COX7B2: variants seen among roughly 807,000 people sequenced by gnomAD.
COX7B2 encodes the protein cytochrome c oxidase subunit 7B2, also known as cytochrome c oxidase subunit 7B2, mitochondrial.
For missense variants in COX7B2, 109 were observed against 95.9 expected (o/e 1.14, Z -0.57); for synonymous variants, 37 against 32.1 (o/e 1.15, Z -0.51).
intron 2 of COX7B2, among the ~76,000 whole-genome samples, chr4:46,758,441 T>C (rs28652873): frequency 0.33 from 49,860 of 151,902 alleles, 8,434 homozygotes; most frequent in South Asian, 0.47. Flanking sequence ...GTACCTAAAG[T>C]ACAGACAGTC....
chr4:46,739,839 G>A (rs1714598374), intron 2 of COX7B2, among the ~76,000 whole-genome samples: 2 of 151,936 alleles, frequency 1.3e-5, no homozygotes, highest in African/African-American at 4.8e-5. Flanking sequence ...GGAGACATGA[G>A]AAAAGAATGG....
rs761904309 is a variant in COX7B2 at position 46,905,814 on chromosome 4, C to CTTTT, written c.-105+3342_-105+3345dup. Among the ~76,000 whole-genome samples, 69 of 71,684 alleles carry CTTTT rather than the reference C, an allele frequency of 9.6e-4. 10 individuals are homozygous for CTTTT. Among genetic ancestry groups the CTTTT allele is most frequent in the African/African-American group, 2.3e-3 (42 of 18,552 alleles). The allele number at this position is 71,684 out of a possible 152,430, so 47.0% of individuals were successfully genotyped here. A position where few individuals can be genotyped will look rare whatever the true frequency, so the allele number is the denominator to read the frequency against. On this transcript the variant is annotated intron_variant, in intron 1 of 2. Coordinates refer to ENST00000355591, the MANE Select transcript of COX7B2 (RefSeq NM_130902.3). ...TACCATCTCTGATAAGCATATATTT[C>CTTTT]TTTTTTTTTTTTTTTTTTTTTTTTT...
At chr4:46,830,772 T>C (rs1715027891) in intron 2 of COX7B2, among the ~76,000 whole-genome samples, 1 of 152,246 alleles carries the variant, frequency 6.6e-6, no homozygotes, top group African/African-American at 2.4e-5. Flanking sequence ...TTTAGGAACC[T>C]TGGCTGAAAG....
intron 2 of COX7B2, among the ~76,000 whole-genome samples, chr4:46,765,728 T>G (rs1323990934): frequency 6.6e-6 from 1 of 151,552 alleles, no homozygotes; most frequent in Non-Finnish European, 1.5e-5. Context: ...GGCTCCAGGC[T>G]GGACCCTGGG....
intron 1 of COX7B2, among the ~76,000 whole-genome samples, chr4:46,900,360 G>A (rs1329612603): frequency 6.6e-6 from 1 of 152,066 alleles, no homozygotes; most frequent in Non-Finnish European, 1.5e-5. Context: ...AAAGAGAGGT[G>A]GACAGCTGCC....
chr4:46,887,661 A>C (rs1719158944), intron 1 of COX7B2, among the ~76,000 whole-genome samples: 1 of 142,502 alleles, frequency 7.0e-6, no homozygotes, highest in African/African-American at 2.6e-5. Context: ...CAGTGAGCTG[A>C]GATTGTGCAA....
chr4:46,816,259 C>T (rs183203705), intron 2 of COX7B2, among the ~76,000 whole-genome samples: 158 of 152,284 alleles, frequency 1.0e-3, no homozygotes, highest in African/African-American at 3.6e-3. Flanking sequence ...CTCATGAATA[C>T]TGAATTTCTT....
intron 1 of COX7B2, among the ~76,000 whole-genome samples, chr4:46,856,599 T>A (rs1376455050): frequency 6.6e-6 from 1 of 152,168 alleles, no homozygotes; most frequent in Non-Finnish European, 1.5e-5. Flanking sequence ...ATCAAAACTT[T>A]GGACAGGGGA....
At chr4:46,805,964 CCTTT>C (rs1227691011) in intron 2 of COX7B2, among the ~76,000 whole-genome samples, 4 of 152,072 alleles carry the variant, frequency 2.6e-5, no homozygotes, top group Non-Finnish European at 4.4e-5. Flanking sequence ...TTTTCTTCTT[CCTTT>C]ATCTTCCTAA....
Position 46,804,335 on chromosome 4 carries a change from G to C in COX7B2, c.-50+40625C>G, listed in dbSNP as rs549666791. Among the ~76,000 whole-genome samples the C allele has an allele frequency of 1.3e-4, 20 of 152,298 alleles. No homozygotes were observed. In the South Asian group the frequency reaches 3.7e-3, roughly 28 times the overall value. ...GGACCCTACCAGGTTGCCACTGCTG[G>C]CTCTGGCAGCCTGCTTTTATTCTCT... On this transcript the variant is annotated intron_variant, in intron 2 of 2. Coordinates refer to ENST00000355591, the MANE Select transcript of COX7B2 (RefSeq NM_130902.3).
rs982923635 is a variant in COX7B2 at position 46,881,535 on chromosome 4, G to A, written c.-105+27625C>T. Among the ~76,000 whole-genome samples the A allele has an allele frequency of 3.9e-5, 6 of 152,212 alleles. No individual in the cohort carries two copies. In the South Asian group the frequency reaches 8.3e-4, roughly 21 times the overall value. On this transcript the variant is annotated intron_variant, in intron 1 of 2. Transcript: ENST00000355591. ...CCCAGCACTGTGGGAGGCCGACGTG[G>A]GTGGATCACTTGGGGTCAGGAGTTC...
At chr4:46,837,872 A>G (rs1169456887) in intron 2 of COX7B2, among the ~76,000 whole-genome samples, 2 of 152,060 alleles carry the variant, frequency 1.3e-5, no homozygotes, top group African/African-American at 4.8e-5. Context: ...ATAATTAACC[A>G]TAGAACAAAT....
intron 1 of COX7B2, among the ~76,000 whole-genome samples, chr4:46,848,266 C>A (rs1213332439): frequency 1.3e-5 from 2 of 151,982 alleles, no homozygotes; most frequent in African/African-American, 2.4e-5. Context: ...ATTACTAAAT[C>A]ACTAACATAC....
At chr4:46,851,526 A>G (rs534818819) in intron 1 of COX7B2, among the ~76,000 whole-genome samples, 20 of 152,200 alleles carry the variant, frequency 1.3e-4, no homozygotes, top group Admixed American at 9.2e-4. Flanking sequence ...CAGGAAATTA[A>G]CAGTGATACA....
intron 1 of COX7B2, among the ~76,000 whole-genome samples, chr4:46,904,633 C>T (rs1261916323): frequency 6.6e-6 from 1 of 152,086 alleles, no homozygotes; most frequent in Admixed American, 6.5e-5. Flanking sequence ...TTTGGTAATA[C>T]ACAAACATTA....
intron 1 of COX7B2, among the ~76,000 whole-genome samples, chr4:46,887,463 G>A (rs1223850029): frequency 6.6e-6 from 1 of 152,044 alleles, no homozygotes; most frequent in African/African-American, 2.4e-5. Flanking sequence ...TGTAATCCCA[G>A]CACTTTGGGA....
chr4:46,735,181 G>A lies in COX7B2; in HGVS notation c.12C>T (p.Pro4=), dbSNP rs1350639420. The A allele has an allele frequency of 6.2e-7, 1 of 1,613,062 alleles. No homozygotes were observed. The highest frequency in any genetic ancestry group is 1.7e-5 in the Admixed American group (1 of 59,642). Residue 4 remains proline, a synonymous_variant, in exon 3 of 3, where the codon CCC becomes CCT. Transcript: ENST00000355591. ...GACTGCTTAGTGCATTTCTGGCCAA[G>A]GGAAACATCATGAAGGATTGCAGTT... MMF[P]LARNALSSLK...
chr4:46,895,061 T>C (rs1013873804), intron 1 of COX7B2, among the ~76,000 whole-genome samples: 1 of 152,186 alleles, frequency 6.6e-6, no homozygotes, highest in East Asian at 1.9e-4. Flanking sequence ...AGTTCAACCA[T>C]TGTGGAAAGC....
intron 1 of COX7B2, among the ~76,000 whole-genome samples, chr4:46,882,738 T>G (rs901331373): frequency 4.6e-5 from 7 of 152,196 alleles, no homozygotes; most frequent in Admixed American, 1.3e-4. Context: ...TTGACCCAAA[T>G]TTTTTAACAA....
Sources: gnomAD v4.1 joint callset for allele counts (sites outside exome capture counted in the v4.1 genomes callset) on GRCh38, gnomAD v4.1.1 for gene constraint, MANE v1.5 for transcripts, NCBI Gene and HGNC (gene_info 2026-07-23, HGNC 2026-07-21) for gene names.